The following MYO3A variants were observed in gnomAD, a reference collection of about 807,000 sequenced individuals.
MYO3A encodes the protein myosin IIIA.
MYO3A carries 180 observed loss-of-function variants against 192.7 expected under a neutral mutation model. The observed-to-expected ratio is 0.93, with a 90% CI of 0.83 to 1.06. The LOEUF is 1.06. Ranked by LOEUF, MYO3A falls within the 50% of genes least tolerant of loss-of-function variation. MYO3A has a pLI of 0.00. For missense variants in MYO3A, 1,896 were observed against 1,905.0 expected, an observed-to-expected ratio of 1.00 and a Z score of 0.09; for synonymous variants, 628 against 645.3, an observed-to-expected ratio of 0.97 and a Z score of 0.41.
At chr10:25,943,215 C>T (rs1836613218) in intron 2 of MYO3A, among the ~76,000 whole-genome samples, 1 of 151,934 alleles carries the variant, frequency 6.6e-6, no homozygotes, top group South Asian at 2.1e-4. Flanking sequence ...TGTTGGAAAT[C>T]ATTTGACTAT....
chr10:26,103,172 A>G (rs1032092597), intron 17 of MYO3A, among the ~76,000 whole-genome samples: 1 of 152,192 alleles, frequency 6.6e-6, no homozygotes, highest in Non-Finnish European at 1.5e-5. Context: ...CTCTGTGGGC[A>G]TGGAACCCTC....
intron 14 of MYO3A, among the ~76,000 whole-genome samples, chr10:26,086,634 A>C (rs1836335766): frequency 6.6e-6 from 1 of 152,044 alleles, no homozygotes; most frequent in Non-Finnish European, 1.5e-5. Context: ...CTAAAAAAAA[A>C]AGGTGGTGCT....
intron 29 of MYO3A, among the ~76,000 whole-genome samples, chr10:26,172,045 T>C (rs1842072107): frequency 6.6e-6 from 1 of 152,136 alleles, no homozygotes; most frequent in Non-Finnish European, 1.5e-5. Flanking sequence ...TTGACATTGA[T>C]TGGGCTAACT....
rs1268388371 is a variant in MYO3A, at chr10:26,078,877, T to C, written c.1359+8476T>C. Among the ~76,000 whole-genome samples the C allele has an allele frequency of 2.0e-5, 3 of 152,254 alleles. No individual in the cohort carries two copies. In the East Asian group the frequency reaches 5.8e-4, roughly 29 times the overall value. ...CCTTCTGGTCTGAGAGAGTGCTTGG[T>C]ATAATATAACTTCAATTTTCTTAAA... On this transcript the variant is annotated intron_variant, in intron 14 of 34. Transcript: ENST00000642920.
intron 20 of MYO3A, among the ~76,000 whole-genome samples, chr10:26,141,557 T>G (rs1840168161): frequency 6.6e-6 from 1 of 152,142 alleles, no homozygotes; most frequent in African/African-American, 2.4e-5. Flanking sequence ...AAATGACAAA[T>G]GCATTAGTTT....
rs143673541 is a variant in MYO3A, at chr10:25,977,012, T to A, written c.304-19478T>A. On this transcript the variant is annotated intron_variant, in intron 4 of 34. Coordinates refer to ENST00000642920, the MANE Select transcript of MYO3A (RefSeq NM_017433.5). ...AACTCATATTTCAGTTTGAATATTATCTTGTTACTTTTCTTTATGTAAGAA... is the reference window on the plus strand; with the variant it reads ...AACTCATATTTCAGTTTGAATATTAACTTGTTACTTTTCTTTATGTAAGAA... 6.2e-3 allele frequency among the ~76,000 whole-genome samples: 948 copies of A among 152,292 alleles called. 32 individuals are homozygous for A. Among genetic ancestry groups the A allele is most frequent in the Admixed American group, 0.056 (863 of 15,290 alleles).
intron 4 of MYO3A, among the ~76,000 whole-genome samples, chr10:25,966,185 T>G (rs942665189): frequency 2.0e-5 from 3 of 152,294 alleles, no homozygotes; most frequent in East Asian, 1.9e-4. Context: ...GAAGCCACGA[T>G]ATACTTTGAA....
At chr10:26,058,980 T>G (rs1438504546) in intron 10 of MYO3A, among the ~76,000 whole-genome samples, 1 of 151,616 alleles carries the variant, frequency 6.6e-6, no homozygotes, top group East Asian at 1.9e-4. Flanking sequence ...TAATTTCCAT[T>G]TTCACTTATT....
chr10:25,965,356 G>A (rs1292107017), intron 4 of MYO3A, among the ~76,000 whole-genome samples: 1 of 152,082 alleles, frequency 6.6e-6, no homozygotes, highest in Non-Finnish European at 1.5e-5. Flanking sequence ...CTGGAATGGG[G>A]GCCTCATGAT....
intron 8 of MYO3A, 152 bp downstream of exon 8, chr10:26,021,800 C>A: frequency 9.5e-7 from 1 of 1,056,902 alleles, no homozygotes; most frequent in Non-Finnish European, 1.4e-6. Context: ...TCTTCTGAGA[C>A]ATTGTATTTG....
chr10:25,938,180 G>A (rs947097517), intron 2 of MYO3A, among the ~76,000 whole-genome samples: 5 of 152,196 alleles, frequency 3.3e-5, no homozygotes, highest in East Asian at 1.9e-4. Flanking sequence ...ATTTACGGGT[G>A]TAGTAACTGT....
chr10:26,113,951 G>A (rs561240938), intron 17 of MYO3A, among the ~76,000 whole-genome samples: 19 of 152,166 alleles, frequency 1.2e-4, no homozygotes, highest in African/African-American at 4.6e-4. Context: ...CTGCAGAATT[G>A]AACCTAAGAA....
chr10:26,142,948 C>T (rs1840247976), intron 20 of MYO3A, among the ~76,000 whole-genome samples: 1 of 152,164 alleles, frequency 6.6e-6, no homozygotes, highest in Admixed American at 6.6e-5. Flanking sequence ...ACTAGAGCTT[C>T]TTTTATTACT....
chr10:26,016,936 T>C, intron 7 of MYO3A, 40 bp downstream of exon 7: 1 of 1,577,434 alleles, frequency 6.3e-7, no homozygotes, highest in Non-Finnish European at 8.7e-7. Context: ...TAATAGCTGA[T>C]CCTGTTTGAC....
At chr10:25,974,256 C>T (rs143921637) in intron 4 of MYO3A, among the ~76,000 whole-genome samples, 1,727 of 152,190 alleles carry the variant, frequency 0.011, 39 homozygotes, top group African/African-American at 0.037. Flanking sequence ...TGTAACAAAC[C>T]TGCACATTCT....
chr10:26,082,579 C>T (rs1836028483), intron 14 of MYO3A, among the ~76,000 whole-genome samples: 2 of 152,066 alleles, frequency 1.3e-5, no homozygotes, highest in Admixed American at 6.6e-5. Context: ...CTTGTGGTTG[C>T]CAGAAACTGC....
intron 4 of MYO3A, among the ~76,000 whole-genome samples, chr10:25,973,413 C>T (rs1443110466): frequency 6.6e-6 from 1 of 152,144 alleles, no homozygotes; most frequent in Non-Finnish European, 1.5e-5. Context: ...AATATAGAAT[C>T]ATGACATCTG....
At chr10:26,005,429 T>A (rs1168909564) in intron 6 of MYO3A, among the ~76,000 whole-genome samples, 1 of 151,660 alleles carries the variant, frequency 6.6e-6, no homozygotes, top group Admixed American at 6.6e-5. Flanking sequence ...TAGATCATTT[T>A]GTTTTAAAGG....
chr10:26,128,764 G>A (rs1197353556), intron 20 of MYO3A, among the ~76,000 whole-genome samples: 1 of 152,158 alleles, frequency 6.6e-6, no homozygotes, highest in Non-Finnish European at 1.5e-5. Context: ...TTGAAAATCG[G>A]TACACTCTTC....
Sources: allele counts gnomAD v4.1 joint callset (sites outside exome capture counted in the v4.1 genomes callset), GRCh38; gene constraint gnomAD v4.1.1; transcripts MANE v1.5; gene names NCBI Gene and HGNC (gene_info 2026-07-23, HGNC 2026-07-21).